Variants in FYCO1 observed in about 807,000 individuals in gnomAD.
FYCO1 encodes the protein FYVE and coiled-coil domain-containing protein 1.
Under a neutral mutation model 165.1 loss-of-function variants are expected in FYCO1, and 122 were observed. The observed-to-expected ratio is 0.74, with a 90% confidence interval of 0.64 to 0.86. The LOEUF (loss-of-function observed/expected upper bound fraction) is 0.86. Among genes scored for constraint, FYCO1 ranks in the 40% least tolerant of loss-of-function variants. The pLI is 0.00. For missense variants in FYCO1, 1,702 were observed against 1,810.3 expected (o/e 0.94, Z 1.09); for synonymous variants, 648 against 742.5 (o/e 0.87, Z 2.07).
intron 10 of FYCO1, among the ~76,000 whole-genome samples, chr3:45,963,538 G>C (rs963559981): frequency 6.6e-6 from 1 of 152,252 alleles, no homozygotes; most frequent in Non-Finnish European, 1.5e-5. Flanking sequence ...GTGTTGGGAA[G>C]AGGTAATAGA....
chr3:45,947,104 T>C (rs1704666419), intron 14 of FYCO1: 2 of 1,614,136 alleles, frequency 1.2e-6, no homozygotes, highest in African/African-American at 1.3e-5. Flanking sequence ...CTCACCATGA[T>C]TGTCTGCTAT....
chr3:45,942,602 T>A (rs553766876), intron 14 of FYCO1, among the ~76,000 whole-genome samples: 107 of 152,244 alleles, frequency 7.0e-4, no homozygotes, highest in African/African-American at 2.6e-3. Flanking sequence ...CCTAGTACCC[T>A]CTCCACTACA....
intron 14 of FYCO1, among the ~76,000 whole-genome samples, chr3:45,953,877 C>A (rs1173052862): frequency 6.6e-6 from 1 of 152,204 alleles, no homozygotes; most frequent in Non-Finnish European, 1.5e-5. Flanking sequence ...GCTAAAGGAA[C>A]CTCTGAGAGG....
At chr3:45,947,861 T>C in intron 14 of FYCO1, 2 of 258,800 alleles carry the variant, frequency 7.7e-6, no homozygotes, top group South Asian at 1.4e-4. Flanking sequence ...AACAAAGCTG[T>C]TGATGGTAGG....
chr3:45,935,149 C>A (rs766051974), intron 15 of FYCO1, among the ~76,000 whole-genome samples: 12 of 152,200 alleles, frequency 7.9e-5, no homozygotes, highest in Non-Finnish European at 1.8e-4. Flanking sequence ...GCACCACCTT[C>A]AAAATAGGTC....
intron 13 of FYCO1, among the ~76,000 whole-genome samples, chr3:45,956,627 G>A (rs764161104): frequency 2.0e-5 from 3 of 152,120 alleles, no homozygotes; most frequent in Non-Finnish European, 2.9e-5. Context: ...GAAAAAAGGG[G>A]CCAGGGATTG....
chr3:45,943,501 A>C (rs1414289466), intron 14 of FYCO1: 2 of 152,210 alleles, frequency 1.3e-5, no homozygotes, highest in Non-Finnish European at 2.9e-5. Context: ...CTTCATGAGC[A>C]AGCTCATCTC....
chr3:45,983,830 G>A lies in FYCO1; in HGVS notation c.55+1026C>T, dbSNP rs143284245. On this transcript the variant is annotated intron_variant, in intron 2 of 17. Transcript: ENST00000296137. The stretch of plus-strand genomic sequence containing the variant: ...AGGCTGTTGGTATAGAAAGTGCCCG[G>A]TGCACATGAAATGCCATGAAATTGT... 3.6e-3 allele frequency among the ~76,000 whole-genome samples: 545 copies of A among 152,316 alleles called. 3 individuals are homozygous for A. The highest frequency in any genetic ancestry group is 0.012 in the African/African-American group (519 of 41,562).
At chr3:45,954,861 C>T (rs1212424159) in intron 14 of FYCO1, among the ~76,000 whole-genome samples, 1 of 152,210 alleles carries the variant, frequency 6.6e-6, no homozygotes, top group Non-Finnish European at 1.5e-5. Context: ...AAGCATCTTG[C>T]AGGAAACCAG....
intron 14 of FYCO1, among the ~76,000 whole-genome samples, chr3:45,954,253 T>C (rs888202841): frequency 1.3e-5 from 2 of 152,282 alleles, no homozygotes; most frequent in African/African-American, 2.4e-5. Flanking sequence ...GCTCATTAGC[T>C]ATTGTTAGTG....
chr3:45,946,432 A>T (rs1704609823), intron 14 of FYCO1: 2 of 1,523,512 alleles, frequency 1.3e-6, no homozygotes, highest in Admixed American at 1.8e-5. Context: ...CCTCAGCCCC[A>T]AATATAATTC....
intron 4 of FYCO1, among the ~76,000 whole-genome samples, chr3:45,979,082 G>A (rs969802406): frequency 1.6e-3 from 247 of 151,916 alleles, no homozygotes; most frequent in Non-Finnish European, 3.0e-3. Context: ...GGATGGTCTC[G>A]ATCTCCTGAC....
intron 14 of FYCO1, among the ~76,000 whole-genome samples, chr3:45,950,798 C>T (rs1473042614): frequency 6.6e-6 from 1 of 152,212 alleles, no homozygotes; most frequent in Non-Finnish European, 1.5e-5. Flanking sequence ...AGGTTTCCTG[C>T]CACTGACAAG....
At position 45,993,511 on chromosome 3, in the gene FYCO1, G is replaced by C. The variant is rs1023636264; in HGVS notation, c.-113+2211C>G. Among the ~76,000 whole-genome samples the C allele has an allele frequency of 6.6e-6, 1 of 152,116 alleles. No homozygotes were observed. Among genetic ancestry groups the C allele is most frequent in the South Asian group, 2.1e-4 (1 of 4,830 alleles). On this transcript the variant is annotated intron_variant, in intron 1 of 17. Coordinates refer to ENST00000296137, the MANE Select transcript of FYCO1 (RefSeq NM_024513.4). This position sits in a 1 kb window ranked among gnomAD's most constrained non-coding sequence, Gnocchi z 4.4. The stretch of plus-strand genomic sequence containing the variant: ...ATTGATTTATTTAATTGCTCAGATA[G>C]AGGCTCTTATACCAATAAAGACTTC...
chr3:45,951,354 A>G (rs907768118), intron 14 of FYCO1, among the ~76,000 whole-genome samples: 7 of 152,222 alleles, frequency 4.6e-5, no homozygotes, highest in African/African-American at 1.7e-4. Flanking sequence ...TGTGGGCTGC[A>G]CTACCTAGAG....
rs1331032502 is a variant in FYCO1 at position 45,964,524 on chromosome 3, G to C, written c.3151-70C>G. 2 of 1,603,400 alleles carry C rather than the reference G, an allele frequency of 1.2e-6. No homozygotes were observed. The highest frequency in any genetic ancestry group is 1.3e-5 in the African/African-American group (1 of 74,732). ...CATGCAACGTACCATAAAGTGGCTG[G>C]TGTGCCATCCACCCCATCTGGCTGG... is the stretch of plus-strand genomic sequence containing the variant. On this transcript the variant is annotated intron_variant, in intron 9 of 17. Coordinates refer to ENST00000296137, the MANE Select transcript of FYCO1 (RefSeq NM_024513.4). This position sits in a 1 kb window ranked among gnomAD's most constrained non-coding sequence, Gnocchi z 4.1.
At position 45,967,080 on chromosome 3, in the gene FYCO1, C is replaced by A. The variant is rs1307096181; in HGVS notation, c.2254G>T (p.Gly752Cys). The change falls in exon 8 of 18, where the codon GGC becomes TGC. Residue 752 changes from glycine (G) to cysteine (C), a missense_variant. Coordinates refer to ENST00000296137, the MANE Select transcript of FYCO1 (RefSeq NM_024513.4). ...QLIEVLTAEK[G>C]QQGVGPPTDN... ...GTGGGTGGGCCAACTCCCTGTTGGC[C>A]TTTCTCTGCTGTGAGGACCTCAATC... is the stretch of plus-strand genomic sequence containing the variant. 6.2e-7 allele frequency: 1 copy of A among 1,613,832 alleles called. No individual in the cohort carries two copies. The highest frequency in any genetic ancestry group is 1.3e-5 in the African/African-American group (1 of 74,930).
rs117335804 is a variant in FYCO1 at position 45,962,506 on chromosome 3, C to A, written c.3270-114G>T. 55 of 945,170 alleles carry A rather than the reference C, an allele frequency of 5.8e-5. No homozygotes were observed. In the East Asian group the frequency reaches 1.3e-3, roughly 22 times the overall value. The allele number at this position is 945,170 out of a possible 1,614,324, so 58.5% of individuals were successfully genotyped here. The stretch of plus-strand genomic sequence containing the variant: ...GCTACTGCCCTCCGCCATGGGGGAG[C>A]CCCTTGGTATCTGCTCACAGCTTAT... On this transcript the variant is annotated intron_variant, in intron 10 of 17. Coordinates refer to ENST00000296137, the MANE Select transcript of FYCO1 (RefSeq NM_024513.4). The surrounding 1 kb of genome is among the most constrained non-coding windows in gnomAD (Gnocchi z 4.4).
chr3:45,966,193 A>T, intron 8 of FYCO1, 84 bp downstream of exon 8: 1 of 1,442,206 alleles, frequency 6.9e-7, no homozygotes, highest in Non-Finnish European at 9.6e-7. Flanking sequence ...CACCTGCCTC[A>T]TGGCTAAAGG....
Sources: gnomAD v4.1 joint callset for allele counts (sites outside exome capture counted in the v4.1 genomes callset) on GRCh38, gnomAD v4.1.1 for gene constraint, Gnocchi (gnomAD v3.1) non-coding constraint, MANE v1.5 for transcripts, NCBI Gene and HGNC (gene_info 2026-07-23, HGNC 2026-07-21) for gene names.